KLRF1: variants seen among roughly 807,000 people sequenced by gnomAD.
KLRF1 encodes the protein killer cell lectin-like receptor subfamily F member 1.
A neutral mutation model predicts 30.7 loss-of-function variants in KLRF1; 27 were observed. The observed-to-expected ratio is 0.88, with a 90% CI of 0.65 to 1.21. KLRF1 has a LOEUF of 1.21. Among genes scored for constraint, KLRF1 ranks in the 50% most tolerant of loss-of-function variants. The pLI is 0.00. For synonymous variants in KLRF1, 92 were observed against 89.3 expected (o/e 1.03, Z -0.17); for missense variants, 246 against 259.3 (o/e 0.95, Z 0.35).
At chr12:9,831,327 C>T (rs960696875) in intron 1 of KLRF1, among the ~76,000 whole-genome samples, 17 of 152,082 alleles carry the variant, frequency 1.1e-4, no homozygotes, top group East Asian at 7.7e-4. Context: ...AGAAACCCTG[C>T]GAACTATTTA....
At chr12:9,836,259 T>A (rs1867574196) in intron 3 of KLRF1, among the ~76,000 whole-genome samples, 1 of 152,062 alleles carries the variant, frequency 6.6e-6, no homozygotes, top group Non-Finnish European at 1.5e-5. Context: ...CCCCACTACT[T>A]GGACCGAGCC....
chr12:9,822,161 C>T, the KLRF1 span, among the ~76,000 whole-genome samples: 1 of 152,294 alleles, frequency 6.6e-6, no homozygotes. Flanking sequence ...GGTTTTAAAC[C>T]AGCAGAGCTG....
the KLRF1 span, among the ~76,000 whole-genome samples, chr12:9,819,494 G>A: frequency 6.6e-6 from 1 of 152,174 alleles, no homozygotes; most frequent in East Asian, 1.9e-4. Flanking sequence ...GATTGGAGAA[G>A]CCCCCAAAAT....
intron 3 of KLRF1, among the ~76,000 whole-genome samples, chr12:9,836,333 C>T (rs888471850): frequency 1.3e-5 from 2 of 152,002 alleles, no homozygotes; most frequent in African/African-American, 4.8e-5. Context: ...TTCTCAACTA[C>T]TTATAAATGC....
chr12:9,827,907 C>G (rs1398269020), intron 1 of KLRF1, among the ~76,000 whole-genome samples: 4 of 152,298 alleles, frequency 2.6e-5, no homozygotes, highest in African/African-American at 9.6e-5. Flanking sequence ...TAATCTCTCT[C>G]TCTCCCATTT....
chr12:9,835,314 G>A (rs1867551696), intron 3 of KLRF1, among the ~76,000 whole-genome samples: 1 of 152,006 alleles, frequency 6.6e-6, no homozygotes, highest in African/African-American at 2.4e-5. Flanking sequence ...TGCTGAAAGG[G>A]GTGTCTTGTA....
Position 9,827,541 on chromosome 12 carries a change from G to T in KLRF1, c.-4G>T. ...GTATACACACACATTCACTCACATT[G>T]AAGATGCAAGATGAAGAAAGATACA... On this transcript the variant is annotated 5_prime_UTR_variant, in exon 1 of 6. An upstream open reading frame in the 5' UTR loses its in-frame stop. Coordinates refer to ENST00000617889, the MANE Select transcript of KLRF1 (RefSeq NM_016523.3). 1.3e-6 allele frequency: 2 copies of T among 1,580,144 alleles called. No individual in the cohort carries two copies. The highest frequency in any genetic ancestry group is 1.1e-5 in the South Asian group (1 of 89,664).
chr12:9,807,230 A>G, the KLRF1 span, among the ~76,000 whole-genome samples: 6,804 of 152,070 alleles, frequency 0.045, 313 homozygotes, highest in African/African-American at 0.12. Context: ...CTGTTTATAC[A>G]TATTATGTCT....
At chr12:9,839,762 T>A (rs1867662811) in intron 3 of KLRF1, among the ~76,000 whole-genome samples, 1 of 152,074 alleles carries the variant, frequency 6.6e-6, no homozygotes, top group East Asian at 1.9e-4. Flanking sequence ...ATATTTCTGG[T>A]AGAAATGTAA....
intron 3 of KLRF1, among the ~76,000 whole-genome samples, chr12:9,839,814 AT>A (rs1307638861): frequency 6.6e-6 from 1 of 152,114 alleles, no homozygotes; most frequent in Non-Finnish European, 1.5e-5. Context: ...AGTTCCTCAA[AT>A]TATCACATGA....
chr12:9,825,158 G>C (rs370001166), upstream of KLRF1, among the ~76,000 whole-genome samples: 13 of 151,518 alleles, frequency 8.6e-5, no homozygotes, highest in East Asian at 2.1e-3. Context: ...AGCCCAAATA[G>C]CCAAGGCAAT....
At chr12:9,818,345 C>T in the KLRF1 span, among the ~76,000 whole-genome samples, 1 of 152,202 alleles carries the variant, frequency 6.6e-6, no homozygotes, top group Non-Finnish European at 1.5e-5. Context: ...CTGGTGTGGC[C>T]AGCGGCAGCT....
At chr12:9,842,153 G>A in intron 4 of KLRF1, 168 bp from the exon 5 acceptor site, 1 of 798,456 alleles carries the variant, frequency 1.3e-6, no homozygotes. Context: ...GCAATTGTGT[G>A]TGTGTGTGTG....
the KLRF1 span, among the ~76,000 whole-genome samples, chr12:9,815,325 C>T: frequency 5.3e-5 from 8 of 152,166 alleles, no homozygotes; most frequent in Non-Finnish European, 1.0e-4. Context: ...GTGGAAGTAA[C>T]AGAAATGTCT....
At chr12:9,827,800 A>G (rs1867314144) in intron 1 of KLRF1, among the ~76,000 whole-genome samples, 171 bp downstream of exon 1, 1 of 152,192 alleles carries the variant, frequency 6.6e-6, no homozygotes, top group African/African-American at 2.4e-5. Context: ...TTTAAAAATA[A>G]CAACCTCTCT....
chr12:9,836,424 G>A (rs757182426), intron 3 of KLRF1, among the ~76,000 whole-genome samples: 26 of 152,016 alleles, frequency 1.7e-4, no homozygotes, highest in Admixed American at 5.9e-4. Context: ...TCCCCAAACC[G>A]CCAGTCTTAA....
intron 4 of KLRF1, 139 bp from the exon 5 acceptor site, chr12:9,842,182 A>G: frequency 1.1e-6 from 1 of 877,554 alleles, no homozygotes; most frequent in Non-Finnish European, 1.7e-6. Flanking sequence ...ATATGATATA[A>G]TGTGTGTATA....
upstream of KLRF1, among the ~76,000 whole-genome samples, chr12:9,825,515 A>G (rs1867269050): frequency 2.6e-5 from 4 of 152,160 alleles, no homozygotes; most frequent in Admixed American, 6.6e-5. Context: ...TCAACTCAAG[A>G]TGGATAAAAT....
At chr12:9,823,594 C>T (rs1417623673), upstream of KLRF1, among the ~76,000 whole-genome samples, 4 of 151,980 alleles carry the variant, frequency 2.6e-5, no homozygotes, top group East Asian at 5.8e-4. Flanking sequence ...GAAGTAAGAG[C>T]CAACCAACCT....
Sources: allele counts gnomAD v4.1 joint callset (sites outside exome capture counted in the v4.1 genomes callset), GRCh38; gene constraint gnomAD v4.1.1; transcripts MANE v1.5; gene names NCBI Gene and HGNC (gene_info 2026-07-23, HGNC 2026-07-21).